Variants in TENM4 observed in about 807,000 individuals in gnomAD.
TENM4 encodes teneurin transmembrane protein 4, also known as teneurin-4.
In TENM4, 82 loss-of-function variants were observed where a neutral mutation model predicts 243.3. That is an observed-to-expected ratio of 0.34 (90% CI 0.28 to 0.40). The LOEUF (loss-of-function observed/expected upper bound fraction) is 0.40. Among genes scored for constraint, TENM4 ranks in the 10% least tolerant of loss-of-function variants. The pLI is 1.00. For synonymous variants in TENM4, 1,412 were observed against 1,456.3 expected (o/e 0.97, Z 0.69); for missense variants, 3,138 against 3,673.3 (o/e 0.85, Z 3.77).
chr11:78,879,971 G>A (rs578113501), intron 9 of TENM4, among the ~76,000 whole-genome samples: 6 of 152,282 alleles, frequency 3.9e-5, no homozygotes, highest in South Asian at 2.1e-4. Context: ...AGCGACCATC[G>A]AGAATGGGCC....
At chr11:78,765,878 A>C (rs1856530275) in intron 18 of TENM4, among the ~76,000 whole-genome samples, 1 of 152,220 alleles carries the variant, frequency 6.6e-6, no homozygotes, top group South Asian at 2.1e-4. Context: ...TCTAGCAAAG[A>C]GCGTGTAACA....
chr11:79,079,831 C>CAAAAAAAAAAAAAAAAAAAAAA (rs34296723), intron 4 of TENM4, among the ~76,000 whole-genome samples: 1 of 114,648 alleles, frequency 8.7e-6, no homozygotes, highest in Non-Finnish European at 1.8e-5. Flanking sequence ...CACTTTGTTT[C>CAAAAAAAAAAAAAAAAAAAAAA]AAAAAAAAAA....
At chr11:79,109,209 T>G (rs1277754987) in intron 4 of TENM4, among the ~76,000 whole-genome samples, 4 of 152,180 alleles carry the variant, frequency 2.6e-5, no homozygotes, top group African/African-American at 7.2e-5. Flanking sequence ...AGCAGAATAT[T>G]GCTATTTATT....
At chr11:79,353,751 A>T (rs1413465950) in intron 1 of TENM4, among the ~76,000 whole-genome samples, 1 of 117,540 alleles carries the variant, frequency 8.5e-6, no homozygotes, top group African/African-American at 3.6e-5. Context: ...TAGAAGAAAA[A>T]GGAGGAAAAA....
chr11:79,324,590 A>G (rs574910209), intron 1 of TENM4, among the ~76,000 whole-genome samples: 12 of 152,304 alleles, frequency 7.9e-5, no homozygotes, highest in African/African-American at 2.6e-4. Context: ...CATGGAATCC[A>G]TGGATACAGA....
At chr11:79,126,766 G>T (rs1256226264) in intron 4 of TENM4, among the ~76,000 whole-genome samples, 1 of 152,124 alleles carries the variant, frequency 6.6e-6, no homozygotes, top group Non-Finnish European at 1.5e-5. Flanking sequence ...TGAAGGGGGA[G>T]GCCAGCTCTG....
chr11:79,017,655 G>C (rs892477089), intron 6 of TENM4, among the ~76,000 whole-genome samples: 3 of 152,100 alleles, frequency 2.0e-5, no homozygotes, highest in African/African-American at 7.2e-5. Flanking sequence ...TAAGCCAAGT[G>C]AGCATATTAC....
At chr11:79,009,688 A>G (rs1057290414) in intron 6 of TENM4, among the ~76,000 whole-genome samples, 1 of 152,200 alleles carries the variant, frequency 6.6e-6, no homozygotes, top group East Asian at 1.9e-4. Flanking sequence ...GGATGAGGAA[A>G]CTGAGGCTCA....
At chr11:78,931,118 G>A (rs1457507646) in intron 6 of TENM4, among the ~76,000 whole-genome samples, 3 of 152,116 alleles carry the variant, frequency 2.0e-5, no homozygotes, top group Non-Finnish European at 4.4e-5. Flanking sequence ...GTAGACTAGG[G>A]CACTTTTTGA....
At position 78,877,323 on chromosome 11, in the gene TENM4, GT is replaced by G. The variant is rs775973069; in HGVS notation, c.1084+12461del. ...AGAGGCTGAGCTCTGCTCCCGCCTT[GT>G]CCCCTAAGCCTAGCAGACTTAAGTT... On this transcript the variant is annotated intron_variant, in intron 9 of 33. Transcript: ENST00000278550. Among the ~76,000 whole-genome samples, 220 of 152,112 alleles carry G rather than the reference GT, an allele frequency of 1.4e-3. 1 individual carries two copies. Among genetic ancestry groups the G allele is most frequent in the Non-Finnish European group, 1.8e-3 (120 of 68,030 alleles).
At chr11:79,137,768 T>G (rs374828747) in intron 4 of TENM4, among the ~76,000 whole-genome samples, 1 of 152,190 alleles carries the variant, frequency 6.6e-6, no homozygotes, top group East Asian at 1.9e-4. Flanking sequence ...TAACTTTATG[T>G]AATAGCATTT....
At chr11:79,032,884 C>T (rs1000231683) in intron 6 of TENM4, among the ~76,000 whole-genome samples, 4 of 152,114 alleles carry the variant, frequency 2.6e-5, no homozygotes, top group Non-Finnish European at 5.9e-5. Context: ...GAATTATTTT[C>T]ACGACAAAAA....
chr11:78,767,635 T>C (rs539397151), intron 18 of TENM4, among the ~76,000 whole-genome samples: 1 of 152,366 alleles, frequency 6.6e-6, no homozygotes, highest in Admixed American at 6.5e-5. Flanking sequence ...GTCAATGTTC[T>C]CTGATGTCCC....
chr11:78,944,260 C>T (rs1037027763), intron 6 of TENM4, among the ~76,000 whole-genome samples: 8 of 150,920 alleles, frequency 5.3e-5, no homozygotes, highest in Admixed American at 3.9e-4. Flanking sequence ...AGTCCTGACT[C>T]AGGCAGAAAA....
chr11:79,285,001 AG>A (rs1390115226), intron 2 of TENM4, among the ~76,000 whole-genome samples: 1 of 152,152 alleles, frequency 6.6e-6, no homozygotes, highest in African/African-American at 2.4e-5. Flanking sequence ...ATACTTTGGG[AG>A]GCAGAGGTGG....
At chr11:79,047,520 G>A (rs1859688477) in intron 6 of TENM4, among the ~76,000 whole-genome samples, 1 of 152,198 alleles carries the variant, frequency 6.6e-6, no homozygotes, top group Non-Finnish European at 1.5e-5. Flanking sequence ...GCCAGGGACT[G>A]GGCTTCTGCG....
chr11:79,283,213 AACACACACACACACACAC>A (rs33993080), intron 2 of TENM4, among the ~76,000 whole-genome samples: 2 of 135,932 alleles, frequency 1.5e-5, no homozygotes, highest in Non-Finnish European at 3.2e-5. Context: ...CACACACACA[AACACACACACACACACAC>A]ACACACACAC....
intron 1 of TENM4, among the ~76,000 whole-genome samples, chr11:79,311,142 G>A (rs1240983266): frequency 1.3e-5 from 2 of 152,178 alleles, no homozygotes; most frequent in Non-Finnish European, 1.5e-5. Flanking sequence ...ATTGCTCAGA[G>A]TGTACATAGG....
chr11:79,015,477 A>AGTGTGTGTGTGTGTGTGTGT (rs113872101), intron 6 of TENM4, among the ~76,000 whole-genome samples: 18 of 147,252 alleles, frequency 1.2e-4, no homozygotes, highest in Non-Finnish European at 2.0e-4. Context: ...AAAGTCATTT[A>AGTGTGTGTGTGTGTGTGTGT]GTGTGTGTGT....
Sources: allele counts gnomAD v4.1 joint callset (sites outside exome capture counted in the v4.1 genomes callset), GRCh38; gene constraint gnomAD v4.1.1; transcripts MANE v1.5; gene names NCBI Gene and HGNC (gene_info 2026-07-23, HGNC 2026-07-21).